TMEM117: variants seen among roughly 807,000 people sequenced by gnomAD.
TMEM117 encodes the protein transmembrane protein 117.
Under a neutral mutation model 52.4 loss-of-function variants are expected in TMEM117, and 27 were observed. The observed-to-expected ratio is 0.51, with a 90% CI of 0.38 to 0.71. The LOEUF (loss-of-function observed/expected upper bound fraction) is 0.71, where lower values mean the gene tolerates loss of function less well. Among genes scored for constraint, TMEM117 ranks in the 30% least tolerant of loss-of-function variants. The probability of loss-of-function intolerance (pLI) is 0.00; values close to 1 mark genes in which losing one functional copy is unlikely to be tolerated. For synonymous variants in TMEM117, 215 were observed against 206.3 expected (o/e 1.04, Z -0.36); for missense variants, 556 against 630.5 (o/e 0.88, Z 1.26).
chr12:43,956,237 G>A (rs547548377), intron 3 of TMEM117, among the ~76,000 whole-genome samples: 47 of 152,266 alleles, frequency 3.1e-4, no homozygotes, highest in African/African-American at 1.1e-3. Flanking sequence ...CATGGGCAAA[G>A]ACTTTATGAT....
chr12:44,088,538 C>T (rs1200386692), intron 3 of TMEM117, among the ~76,000 whole-genome samples: 4 of 152,144 alleles, frequency 2.6e-5, no homozygotes, highest in African/African-American at 9.7e-5. Context: ...CTATCACAGC[C>T]TCTGGCGCAT....
intron 3 of TMEM117, among the ~76,000 whole-genome samples, chr12:43,999,099 T>G (rs1306382873): frequency 1.3e-5 from 2 of 152,212 alleles, no homozygotes; most frequent in Non-Finnish European, 2.9e-5. Flanking sequence ...AATTGGTACA[T>G]TTTGAAAAAC....
chr12:44,176,316 A>G (rs569866019), intron 4 of TMEM117, among the ~76,000 whole-genome samples: 3 of 152,330 alleles, frequency 2.0e-5, no homozygotes, highest in Non-Finnish European at 2.9e-5. Flanking sequence ...TGCTTGGCAC[A>G]TAGTACATGC....
chr12:43,978,728 A>G (rs1188941229), intron 3 of TMEM117, among the ~76,000 whole-genome samples: 1 of 152,154 alleles, frequency 6.6e-6, no homozygotes, highest in African/African-American at 2.4e-5. Flanking sequence ...TTTTACTTGA[A>G]GTAATTCTTA....
intron 3 of TMEM117, among the ~76,000 whole-genome samples, chr12:43,951,811 A>T (rs1359034119): frequency 6.6e-6 from 1 of 152,190 alleles, no homozygotes. Context: ...TGCCTCCTCA[A>T]GAGGGTCCCT....
At chr12:43,892,844 T>G (rs961611955) in intron 2 of TMEM117, among the ~76,000 whole-genome samples, 1 of 152,184 alleles carries the variant, frequency 6.6e-6, no homozygotes, top group African/African-American at 2.4e-5. Flanking sequence ...GATTATGAAA[T>G]AAAGCAGTTT....
intron 4 of TMEM117, among the ~76,000 whole-genome samples, chr12:44,163,388 T>C (rs1451215295): frequency 2.0e-5 from 3 of 152,158 alleles, no homozygotes; most frequent in Non-Finnish European, 2.9e-5. Flanking sequence ...CCAGAACAAG[T>C]TCAACATTTA....
At chr12:43,888,316 A>C (rs936527429) in intron 2 of TMEM117, among the ~76,000 whole-genome samples, 2 of 152,232 alleles carry the variant, frequency 1.3e-5, no homozygotes, top group Admixed American at 6.5e-5. Flanking sequence ...GATTCTATGT[A>C]GTATGAATAA....
chr12:43,959,066 C>T (rs1341510221), intron 3 of TMEM117, among the ~76,000 whole-genome samples: 1 of 152,106 alleles, frequency 6.6e-6, no homozygotes, highest in African/African-American at 2.4e-5. Flanking sequence ...CTTGGCCTCC[C>T]AAAGTGCTGG....
At chr12:43,804,374 G>A in the TMEM117 span, 19 of 677,824 alleles carry the variant, frequency 2.8e-5, no homozygotes, top group African/African-American at 7.4e-5. Context: ...CCAAGTTACC[G>A]TAAGATTTGA....
At chr12:43,863,764 C>T (rs1430217065) in intron 2 of TMEM117, among the ~76,000 whole-genome samples, 4 of 152,238 alleles carry the variant, frequency 2.6e-5, no homozygotes, top group African/African-American at 4.8e-5. Context: ...CACTCACTCT[C>T]GGTGCCTCCT....
intron 5 of TMEM117, among the ~76,000 whole-genome samples, chr12:44,277,822 G>A (rs1950533331): frequency 2.0e-5 from 3 of 146,624 alleles, no homozygotes; most frequent in Admixed American, 6.9e-5. Flanking sequence ...AGAGTGCAGT[G>A]GTGTGATCTC....
At chr12:43,920,814 C>T (rs1203295753) in intron 2 of TMEM117, among the ~76,000 whole-genome samples, 1 of 152,072 alleles carries the variant, frequency 6.6e-6, no homozygotes, top group African/African-American at 2.4e-5. Flanking sequence ...GAGAGTATCT[C>T]TTCTCTGCTT....
At chr12:44,303,070 T>C (rs1458069520) in intron 6 of TMEM117, among the ~76,000 whole-genome samples, 1 of 151,812 alleles carries the variant, frequency 6.6e-6, no homozygotes, top group Non-Finnish European at 1.5e-5. Flanking sequence ...TGATATGGAG[T>C]TTCACTCTTG....
At chr12:44,219,777 AAAT>A (rs1387718716) in intron 5 of TMEM117, among the ~76,000 whole-genome samples, 1 of 152,160 alleles carries the variant, frequency 6.6e-6, no homozygotes, top group Non-Finnish European at 1.5e-5. Context: ...ACTCCTTGGA[AAAT>A]AATGAGTTCA....
At chr12:43,883,991 G>A (rs1168031711) in intron 2 of TMEM117, among the ~76,000 whole-genome samples, 2 of 151,972 alleles carry the variant, frequency 1.3e-5, no homozygotes, top group East Asian at 3.9e-4. Flanking sequence ...ACAAAAATTA[G>A]CTGGGCGTGA....
intron 3 of TMEM117, among the ~76,000 whole-genome samples, chr12:44,033,049 C>G (rs966487657): frequency 1.9e-4 from 29 of 152,142 alleles, no homozygotes; most frequent in Non-Finnish European, 1.5e-5. Context: ...GCACAAAATA[C>G]AGGCCATAAA....
intron 3 of TMEM117, among the ~76,000 whole-genome samples, chr12:44,117,339 A>G (rs1361042448): frequency 6.8e-6 from 1 of 147,002 alleles, no homozygotes; most frequent in African/African-American, 2.7e-5. Context: ...AATCCATAGC[A>G]TACTGTTTTT....
At chr12:44,252,248 G>T (rs544646836) in intron 5 of TMEM117, among the ~76,000 whole-genome samples, 6 of 152,118 alleles carry the variant, frequency 3.9e-5, no homozygotes, top group African/African-American at 1.4e-4. Flanking sequence ...GCTCATACCT[G>T]TAATCCCAGC....
Sources: allele counts gnomAD v4.1 joint callset (sites outside exome capture counted in the v4.1 genomes callset), GRCh38; gene constraint gnomAD v4.1.1; transcripts MANE v1.5; gene names NCBI Gene and HGNC (gene_info 2026-07-23, HGNC 2026-07-21).